The following RGS6 variants were observed in gnomAD, a reference collection of about 807,000 sequenced individuals.
The protein encoded by RGS6 is regulator of G protein signaling 6, also known as regulator of G-protein signaling 6.
RGS6 carries 30 observed loss-of-function variants against 78.5 expected under a neutral mutation model. That is an observed-to-expected ratio of 0.38 (90% CI 0.29 to 0.52). The LOEUF (loss-of-function observed/expected upper bound fraction) is 0.52. Among genes scored for constraint, RGS6 ranks in the 20% least tolerant of loss-of-function variants. RGS6 has a pLI of 0.85. For synonymous variants in RGS6, 206 were observed against 206.0 expected (o/e 1.00, Z 0.00); for missense variants, 495 against 609.7 (o/e 0.81, Z 1.98).
chr14:72,100,854 T>C (rs1028586089), intron 2 of RGS6, among the ~76,000 whole-genome samples: 1 of 152,196 alleles, frequency 6.6e-6, no homozygotes, highest in Non-Finnish European at 1.5e-5. Context: ...GAGCTAGGCA[T>C]TGACATTTAA....
the RGS6 span, among the ~76,000 whole-genome samples, chr14:72,593,538 C>T: frequency 2.6e-5 from 4 of 152,260 alleles, no homozygotes; most frequent in South Asian, 4.1e-4. Flanking sequence ...GCACATGCCA[C>T]GATGCCCAGC....
chr14:72,406,013 A>G (rs1338707218), intron 3 of RGS6, among the ~76,000 whole-genome samples: 2 of 152,182 alleles, frequency 1.3e-5, no homozygotes, highest in African/African-American at 4.8e-5. Flanking sequence ...ACTGTAGACA[A>G]TAAATGGGAG....
chr14:72,253,393 C>A (rs1291023725), intron 2 of RGS6, among the ~76,000 whole-genome samples: 2 of 152,206 alleles, frequency 1.3e-5, no homozygotes, highest in Non-Finnish European at 2.9e-5. Flanking sequence ...TAGTGAAAGA[C>A]AACTTATATA....
intron 2 of RGS6, among the ~76,000 whole-genome samples, chr14:72,280,157 T>C (rs1294789557): frequency 6.6e-6 from 1 of 151,400 alleles, no homozygotes; most frequent in Non-Finnish European, 1.5e-5. Context: ...CTGGGTTTTC[T>C]TTCGAAAAAG....
chr14:72,112,555 C>T (rs1015152951), intron 2 of RGS6, among the ~76,000 whole-genome samples: 5 of 152,128 alleles, frequency 3.3e-5, no homozygotes, highest in African/African-American at 1.2e-4. Flanking sequence ...GGTGTGAAAT[C>T]GTGGATGGTC....
chr14:72,398,747 T>C (rs1206774366), intron 3 of RGS6, among the ~76,000 whole-genome samples: 1 of 152,224 alleles, frequency 6.6e-6, no homozygotes, highest in East Asian at 1.9e-4. Flanking sequence ...TTCTGGTATG[T>C]TGTGTTTTTG....
intron 2 of RGS6, among the ~76,000 whole-genome samples, chr14:72,336,539 G>A (rs145874265): frequency 1.3e-4 from 20 of 148,732 alleles, no homozygotes; most frequent in East Asian, 1.2e-3. Flanking sequence ...GAGAGAGCGC[G>A]CATAGGGAGA....
rs567248832 is a variant in RGS6 at position 71,979,695 on chromosome 14, A to G, written c.84+14820A>G. On this transcript the variant is annotated intron_variant, in intron 2 of 17. Transcript: ENST00000553525. ...AGCTTTACTTCCAAGTATGTGGTCAATTTTGGAATAGGTGTGATGTGCTGA... is the reference window on the plus strand; with the variant it reads ...AGCTTTACTTCCAAGTATGTGGTCAGTTTTGGAATAGGTGTGATGTGCTGA... 8.0e-4 allele frequency among the ~76,000 whole-genome samples: 122 copies of G among 152,282 alleles called. 1 individual carries two copies. Among genetic ancestry groups the G allele is most frequent in the African/African-American group, 2.8e-3 (115 of 41,544 alleles).
the RGS6 span, among the ~76,000 whole-genome samples, chr14:71,920,733 A>G: frequency 2.0e-5 from 3 of 152,248 alleles, no homozygotes; most frequent in African/African-American, 7.2e-5. Context: ...GCTCATGTGT[A>G]TATTAAATCT....
At chr14:72,028,125 G>A (rs2090226306) in intron 2 of RGS6, among the ~76,000 whole-genome samples, 1 of 152,186 alleles carries the variant, frequency 6.6e-6, no homozygotes, top group South Asian at 2.1e-4. Flanking sequence ...ATTTGTGGTT[G>A]CTTTGCCCTT....
At chr14:72,129,275 T>C (rs970422948) in intron 2 of RGS6, among the ~76,000 whole-genome samples, 3 of 152,220 alleles carry the variant, frequency 2.0e-5, no homozygotes, top group Non-Finnish European at 4.4e-5. Flanking sequence ...ATAATTCGGC[T>C]GAGAGCTCCC....
At chr14:71,896,852 T>C in the RGS6 span, among the ~76,000 whole-genome samples, 69 of 152,332 alleles carry the variant, frequency 4.5e-4, no homozygotes, top group Admixed American at 2.0e-4. Context: ...GACCTTGCTA[T>C]TTTATGAGTT....
rs34316528 is a variant in RGS6, at chr14:72,445,481, A to AT, written c.185-9031dup. The stretch of plus-strand genomic sequence containing the variant: ...CTGGGATTACAGGCAAAAAGATGTG[A>AT]TTTTTTTTTTTTTTTTAACAGTATC... On this transcript the variant is annotated intron_variant, in intron 3 of 17. Coordinates refer to ENST00000553525, the MANE Select transcript of RGS6 (RefSeq NM_001204424.2). 8.6e-3 allele frequency among the ~76,000 whole-genome samples: 1,271 copies of AT among 147,804 alleles called. 14 individuals carry two copies. Among genetic ancestry groups the AT allele is most frequent in the African/African-American group, 0.023 (919 of 40,208 alleles).
At chr14:71,894,436 C>A in the RGS6 span, among the ~76,000 whole-genome samples, 10 of 152,254 alleles carry the variant, frequency 6.6e-5, no homozygotes, top group Admixed American at 5.9e-4. Flanking sequence ...GCACATGTCC[C>A]CATATATACA....
rs117802271 is a variant in RGS6 at position 72,266,202 on chromosome 14, C to T, written c.85-85893C>T. On this transcript the variant is annotated intron_variant, in intron 2 of 17. Coordinates refer to ENST00000553525, the MANE Select transcript of RGS6 (RefSeq NM_001204424.2). ...ACTGGAGGTGATTAAGATGGCTTCACATGCCTGGCGCCTTGGTGGGATGGC... is the reference window on the plus strand; with the variant it reads ...ACTGGAGGTGATTAAGATGGCTTCATATGCCTGGCGCCTTGGTGGGATGGC... Among the ~76,000 whole-genome samples the T allele has an allele frequency of 1.7e-3, 257 of 152,302 alleles. 2 individuals carry two copies. The highest frequency in any genetic ancestry group is 3.1e-3 in the Non-Finnish European group (212 of 68,022).
Position 72,408,111 on chromosome 14 carries a change from T to C in RGS6, c.185-46417T>C, listed in dbSNP as rs182976244. Among the ~76,000 whole-genome samples the C allele has an allele frequency of 6.6e-5, 10 of 152,328 alleles. No individual in the cohort carries two copies. The East Asian group carries it at 1.9e-3, about 29-fold the overall frequency. On this transcript the variant is annotated intron_variant, in intron 3 of 17. Coordinates refer to ENST00000553525, the MANE Select transcript of RGS6 (RefSeq NM_001204424.2). ...CGACTCATGCTTGTTTATCCACTTA[T>C]AACACTTACTATTTAAAGGAAATGA...
chr14:72,249,455 T>G (rs1278835772), intron 2 of RGS6, among the ~76,000 whole-genome samples: 10 of 152,210 alleles, frequency 6.6e-5, no homozygotes, highest in Admixed American at 5.9e-4. Flanking sequence ...GCTTCTTCTG[T>G]ATGTGCAGTT....
chr14:72,297,318 G>T (rs918230768), intron 2 of RGS6, among the ~76,000 whole-genome samples: 1 of 151,836 alleles, frequency 6.6e-6, no homozygotes, highest in Non-Finnish European at 1.5e-5. Flanking sequence ...AACGTCTTCA[G>T]AAATTTTAAT....
intron 2 of RGS6, among the ~76,000 whole-genome samples, chr14:72,153,772 A>G (rs2096728762): frequency 6.6e-6 from 1 of 152,170 alleles, no homozygotes; most frequent in African/African-American, 2.4e-5. Context: ...CAAAAGGTAG[A>G]ACAAAGATCA....
Sources: allele counts gnomAD v4.1 joint callset (sites outside exome capture counted in the v4.1 genomes callset), GRCh38; gene constraint gnomAD v4.1.1; transcripts MANE v1.5; gene names NCBI Gene and HGNC (gene_info 2026-07-23, HGNC 2026-07-21).